Variants in TMEM132C observed in about 807,000 individuals in gnomAD.
TMEM132C encodes protein phosphatase 1, regulatory subunit 152.
A neutral mutation model predicts 61.4 loss-of-function variants in TMEM132C; 29 were observed. The observed-to-expected ratio is 0.47, with a 90% confidence interval of 0.35 to 0.64. The LOEUF is 0.64. TMEM132C is among the 30% of genes least tolerant of loss of function. The pLI is 0.00. For synonymous variants in TMEM132C, 656 were observed against 633.1 expected, an observed-to-expected ratio of 1.04 and a Z score of -0.54; for missense variants, 1,408 against 1,476.9, an observed-to-expected ratio of 0.95 and a Z score of 0.76.
chr12:128,543,869 T>TA, intron 2 of TMEM132C, 88 bp from the exon 3 acceptor site: 1 of 1,469,990 alleles, frequency 6.8e-7, no homozygotes, highest in Non-Finnish European at 9.0e-7. Context: ...AAACAGAAAC[T>TA]AAAGGTGACA....
At chr12:128,478,245 C>T (rs1294400744) in intron 2 of TMEM132C, among the ~76,000 whole-genome samples, 2 of 152,162 alleles carry the variant, frequency 1.3e-5, no homozygotes, top group Non-Finnish European at 2.9e-5. Flanking sequence ...TTTCCATCTT[C>T]AATTTAGCCA....
intron 5 of TMEM132C, among the ~76,000 whole-genome samples, chr12:128,689,132 CTTTT>C (rs1442698279): frequency 6.6e-6 from 1 of 151,812 alleles, no homozygotes; most frequent in East Asian, 1.9e-4. Flanking sequence ...TTTCTGTTTT[CTTTT>C]TTAATTTTTT....
At chr12:128,628,233 G>A (rs146984106) in intron 4 of TMEM132C, among the ~76,000 whole-genome samples, 10 of 152,186 alleles carry the variant, frequency 6.6e-5, no homozygotes, top group South Asian at 2.1e-4. Context: ...GCCTTGAACC[G>A]GTCATCTCCT....
chr12:128,705,924 G>A lies in TMEM132C; in HGVS notation c.2956G>A (p.Asp986Asn). Residue 986 changes from aspartate (D) to asparagine (N), a missense_variant, in exon 9 of 9, where the codon GAT (aspartate) becomes AAT (asparagine). Physicochemically the swap from Asp to Asn is conservative, Grantham distance 23. Transcript: ENST00000435159. ...NEAELLESMG[D>N]APPPQDEHTT... is the part of the protein sequence containing the mutation. The stretch of plus-strand genomic sequence containing the variant: ...GGCCGAACTCCTGGAGAGCATGGGG[G>A]ATGCGCCGCCGCCCCAGGACGAGCA... The A allele has an allele frequency of 1.3e-6, 2 of 1,551,434 alleles. No individual in the cohort carries two copies. Among genetic ancestry groups the A allele is most frequent in the Non-Finnish European group, 1.7e-6 (2 of 1,146,956 alleles).
intron 1 of TMEM132C, among the ~76,000 whole-genome samples, chr12:128,324,588 G>A (rs1683701): frequency 0.17 from 26,553 of 152,072 alleles, 2,551 homozygotes; most frequent in Admixed American, 0.28. Context: ...GGCCAAGGGC[G>A]GTGGCTCACG....
intron 3 of TMEM132C, 33 bp from the exon 4 acceptor site, chr12:128,616,119 T>C: frequency 6.5e-7 from 1 of 1,544,096 alleles, no homozygotes; most frequent in Non-Finnish European, 8.7e-7. Context: ...TGAACAAAGT[T>C]GGCTTAAAGC....
In TMEM132C at chr12:128,347,513, C is replaced by G. The variant is rs200295970; in HGVS notation, c.86-67219C>G. 6.6e-5 allele frequency among the ~76,000 whole-genome samples: 10 copies of G among 152,210 alleles called. No individual in the cohort carries two copies. In the East Asian group the frequency reaches 1.7e-3, roughly 27 times the overall value. ...GTGCAATCTCGGCTCACCACAACCT[C>G]TGCCTCCCAGGTTCAAGTGATTCTC... On this transcript the variant is annotated intron_variant, in intron 1 of 8. Transcript: ENST00000435159.
chr12:128,332,112 G>T (rs558191725), intron 1 of TMEM132C, among the ~76,000 whole-genome samples: 2 of 152,168 alleles, frequency 1.3e-5, no homozygotes, highest in African/African-American at 4.8e-5. Flanking sequence ...TTGGGTGATG[G>T]GCATGTATGG....
intron 3 of TMEM132C, among the ~76,000 whole-genome samples, chr12:128,577,102 C>T (rs959226579): frequency 3.3e-5 from 5 of 152,166 alleles, no homozygotes; most frequent in Non-Finnish European, 7.3e-5. Context: ...CCCACAGCCC[C>T]CATCAACCAC....
chr12:128,303,944 C>A (rs972934351), intron 1 of TMEM132C, among the ~76,000 whole-genome samples: 1 of 152,052 alleles, frequency 6.6e-6, no homozygotes, highest in African/African-American at 2.4e-5. Context: ...CCAGGGAGGT[C>A]TTCCCAGTGA....
At chr12:128,319,825 C>CA (rs373273389) in intron 1 of TMEM132C, among the ~76,000 whole-genome samples, 4,087 of 127,596 alleles carry the variant, frequency 0.032, 187 homozygotes, top group African/African-American at 0.11. Context: ...GACTCCATCT[C>CA]AAAAAAAAAA....
chr12:128,574,309 T>G (rs1008441268), intron 3 of TMEM132C, among the ~76,000 whole-genome samples: 1 of 152,256 alleles, frequency 6.6e-6, no homozygotes, highest in African/African-American at 2.4e-5. Flanking sequence ...GCACCATTTG[T>G]ATGATAATAG....
intron 1 of TMEM132C, among the ~76,000 whole-genome samples, chr12:128,408,707 G>A (rs185705308): frequency 1.1e-4 from 16 of 152,256 alleles, no homozygotes; most frequent in East Asian, 3.9e-4. Context: ...TGGAAGCGCC[G>A]AGCCATCCCT....
intron 2 of TMEM132C, among the ~76,000 whole-genome samples, chr12:128,487,712 C>T (rs1013844072): frequency 2.0e-4 from 30 of 151,450 alleles, no homozygotes; most frequent in African/African-American, 6.8e-4. Context: ...TTTCATCGAC[C>T]GCTCATCAAG....
intron 1 of TMEM132C, among the ~76,000 whole-genome samples, chr12:128,371,392 ATTG>A (rs1289097120): frequency 1.3e-5 from 2 of 152,152 alleles, no homozygotes; most frequent in Non-Finnish European, 2.9e-5. Context: ...CACCAAAGTG[ATTG>A]GTTCCAAGAT....
At chr12:128,374,977 A>T (rs1874146493) in intron 1 of TMEM132C, among the ~76,000 whole-genome samples, 1 of 62,918 alleles carries the variant, frequency 1.6e-5, no homozygotes, top group African/African-American at 3.4e-5. Context: ...ACAGCAGGGG[A>T]TGAAAACCAT....
At chr12:128,382,073 T>C (rs1874419317) in intron 1 of TMEM132C, among the ~76,000 whole-genome samples, 1 of 151,558 alleles carries the variant, frequency 6.6e-6, no homozygotes. Context: ...AAATAATACA[T>C]TCATACTTTA....
rs374614385 is a variant in TMEM132C, at chr12:128,350,282, G to A, written c.86-64450G>A. Reference sequence around the variant, plus strand: ...CCCTGCTGCTTTTGCGTTGAGGTGGGAGTTTGGGTGCGGGACTAGATGGCA... The same window carrying A: ...CCCTGCTGCTTTTGCGTTGAGGTGGAAGTTTGGGTGCGGGACTAGATGGCA... On this transcript the variant is annotated intron_variant, in intron 1 of 8. Coordinates refer to ENST00000435159, the MANE Select transcript of TMEM132C (RefSeq NM_001136103.3). 4.6e-5 allele frequency among the ~76,000 whole-genome samples: 7 copies of A among 152,180 alleles called. No individual in the cohort carries two copies. The East Asian group carries it at 1.3e-3, about 29-fold the overall frequency.
intron 3 of TMEM132C, among the ~76,000 whole-genome samples, chr12:128,613,962 G>C (rs1024496062): frequency 9.2e-5 from 14 of 152,220 alleles, no homozygotes; most frequent in African/African-American, 3.4e-4. Context: ...CTGCAAACAT[G>C]TAGCCTTCCA....
Sources: allele counts gnomAD v4.1 joint callset (sites outside exome capture counted in the v4.1 genomes callset), GRCh38; gene constraint gnomAD v4.1.1; transcripts MANE v1.5; gene names NCBI Gene and HGNC (gene_info 2026-07-23, HGNC 2026-07-21).